The following KHDRBS2 variants were observed in gnomAD, a reference collection of about 807,000 sequenced individuals.
The protein encoded by KHDRBS2 is KH RNA binding domain containing, signal transduction associated 2, also known as KH domain-containing, RNA-binding, signal transduction-associated protein 2.
In KHDRBS2, 26 loss-of-function variants were observed where a neutral mutation model predicts 44.3. The ratio of observed to expected loss-of-function variants is 0.59; its 90% confidence interval spans 0.43 to 0.81. KHDRBS2 has a LOEUF of 0.81. KHDRBS2 is among the 40% of genes least tolerant of loss of function. The pLI, the probability that KHDRBS2 is intolerant of heterozygous loss-of-function variation, is 0.00. For missense variants in KHDRBS2, 476 were observed against 433.1 expected, an observed-to-expected ratio of 1.10 and a Z score of -0.88; for synonymous variants, 194 against 151.1, an observed-to-expected ratio of 1.28 and a Z score of -2.08.
intron 6 of KHDRBS2, among the ~76,000 whole-genome samples, chr6:61,884,177 C>T (rs982358635): frequency 4.6e-5 from 7 of 152,032 alleles, no homozygotes; most frequent in African/African-American, 1.7e-4. Context: ...TTCTAGTTCT[C>T]TCATTGTTAC....
At chr6:61,892,370 A>G (rs1802011656) in intron 6 of KHDRBS2, among the ~76,000 whole-genome samples, 1 of 152,184 alleles carries the variant, frequency 6.6e-6, no homozygotes, top group Admixed American at 6.5e-5. Flanking sequence ...CAAGCTACCA[A>G]TGACTTTATT....
chr6:61,930,201 T>C (rs929760513), intron 4 of KHDRBS2, among the ~76,000 whole-genome samples: 2 of 152,116 alleles, frequency 1.3e-5, no homozygotes, highest in African/African-American at 2.4e-5. Flanking sequence ...ACAACAAACC[T>C]GCAGGCACCT....
the KHDRBS2 span, among the ~76,000 whole-genome samples, chr6:61,666,869 T>A: frequency 6.6e-6 from 1 of 151,232 alleles, no homozygotes; most frequent in Non-Finnish European, 1.5e-5. Context: ...AATAGTAGAA[T>A]CCTCCAGATG....
At chr6:61,806,020 A>G (rs376961656) in intron 6 of KHDRBS2, among the ~76,000 whole-genome samples, 85 of 152,322 alleles carry the variant, frequency 5.6e-4, no homozygotes, top group African/African-American at 1.9e-3. Flanking sequence ...TAGGCTTCAG[A>G]GTCTATGGTC....
At chr6:62,196,723 G>A (rs962061266) in intron 1 of KHDRBS2, among the ~76,000 whole-genome samples, 2 of 152,042 alleles carry the variant, frequency 1.3e-5, no homozygotes, top group Admixed American at 1.3e-4. Flanking sequence ...GAGCTTGAGG[G>A]ACAAACTTAA....
chr6:61,588,609 C>T, the KHDRBS2 span, among the ~76,000 whole-genome samples: 1 of 152,018 alleles, frequency 6.6e-6, no homozygotes, highest in Admixed American at 6.6e-5. Flanking sequence ...ATAGTGAGAC[C>T]CTTGTCTCTA....
chr6:62,066,775 C>G (rs1451957726), intron 2 of KHDRBS2, among the ~76,000 whole-genome samples: 1 of 151,556 alleles, frequency 6.6e-6, no homozygotes, highest in Non-Finnish European at 1.5e-5. Flanking sequence ...ATGTAATTTA[C>G]ATTCTAAATA....
chr6:62,222,899 C>T (rs1407119719), intron 1 of KHDRBS2, among the ~76,000 whole-genome samples: 1 of 152,142 alleles, frequency 6.6e-6, no homozygotes, highest in Non-Finnish European at 1.5e-5. Flanking sequence ...CAGGGTACAA[C>T]CTCCCTCCTG....
intron 2 of KHDRBS2, among the ~76,000 whole-genome samples, chr6:62,131,506 C>T (rs1464406100): frequency 1.3e-5 from 2 of 152,124 alleles, no homozygotes; most frequent in African/African-American, 2.4e-5. Context: ...ACGAGGGAGC[C>T]GAGGTTAGCG....
chr6:61,901,299 G>A lies in KHDRBS2; in HGVS notation c.556C>T (p.Arg186Cys), dbSNP rs151269502. The change falls in exon 5 of 9, where the codon CGT (arginine) becomes TGT (cysteine). Residue 186 changes from arginine to cysteine, a missense_variant. By Grantham distance (180) the Arg-to-Cys change is radical. Transcript: ENST00000281156. ...SYLNGSEDSG[R>C]GRGIRGRGIR... ...CCTCTGCCTCTAATACCTCTGCCAC[G>A]ACCAGAGTCCTCTGAGCCATTTAAG... 4 of 1,612,572 alleles carry A rather than the reference G, an allele frequency of 2.5e-6. No homozygotes were observed. The African/African-American group carries it at 4.0e-5, about 16-fold the overall frequency.
intron 2 of KHDRBS2, among the ~76,000 whole-genome samples, chr6:62,060,609 GTC>G (rs373091004): frequency 0.029 from 4,200 of 147,350 alleles, 175 homozygotes; most frequent in African/African-American, 0.088. Context: ...CTCTCTCTCT[GTC>G]TCTCTCTCTC....
the KHDRBS2 span, among the ~76,000 whole-genome samples, chr6:61,558,591 T>C: frequency 6.6e-6 from 1 of 152,160 alleles, no homozygotes; most frequent in Non-Finnish European, 1.5e-5. Flanking sequence ...TTTTGCTATA[T>C]CTCATAGGTT....
the KHDRBS2 span, among the ~76,000 whole-genome samples, chr6:61,660,729 T>G: frequency 6.6e-6 from 1 of 151,782 alleles, no homozygotes; most frequent in Non-Finnish European, 1.5e-5. Context: ...TCTACAAAGA[T>G]TTATTGGAAG....
chr6:61,907,002 T>A (rs1805159510), intron 4 of KHDRBS2, among the ~76,000 whole-genome samples: 1 of 152,184 alleles, frequency 6.6e-6, no homozygotes, highest in South Asian at 2.1e-4. Context: ...TCCATAGTGC[T>A]GGTACAAATT....
intron 6 of KHDRBS2, among the ~76,000 whole-genome samples, chr6:61,758,272 C>T (rs1260237533): frequency 4.6e-5 from 7 of 151,992 alleles, no homozygotes; most frequent in Non-Finnish European, 1.0e-4. Context: ...ACACTTGTTT[C>T]ATATATTTTG....
chr6:62,050,573 C>T (rs1333327913), intron 2 of KHDRBS2, among the ~76,000 whole-genome samples: 1 of 151,738 alleles, frequency 6.6e-6, no homozygotes, highest in Non-Finnish European at 1.5e-5. Context: ...AGAACTCCAT[C>T]GAATCAATGG....
In KHDRBS2 at chr6:62,256,945, GGTAGA is replaced by G. The variant is rs900019292; in HGVS notation, c.91+28908_91+28912del. ...TTGTGCAGATGCTTAACAAGGTAGT[GGTAGA>G]GGAAAACCAGCCTCGGCTATCTCAC... On this transcript the variant is annotated intron_variant, in intron 1 of 8. Transcript: ENST00000281156. 3.2e-4 allele frequency among the ~76,000 whole-genome samples: 48 copies of G among 152,176 alleles called. 1 individual carries two copies. Among genetic ancestry groups the G allele is most frequent in the Non-Finnish European group, 2.6e-4 (18 of 67,978 alleles).
intron 7 of KHDRBS2, among the ~76,000 whole-genome samples, chr6:61,728,630 CAT>C (rs1437038667): frequency 6.6e-6 from 1 of 152,010 alleles, no homozygotes; most frequent in East Asian, 1.9e-4. Context: ...CATTTATTAA[CAT>C]AGATAGATGT....
chr6:62,195,989 A>C (rs1305694812), intron 1 of KHDRBS2, among the ~76,000 whole-genome samples: 1 of 152,198 alleles, frequency 6.6e-6, no homozygotes, highest in Non-Finnish European at 1.5e-5. Context: ...TTAAAACAGA[A>C]ACAGAATAAG....
Sources: gnomAD v4.1 joint callset for allele counts (sites outside exome capture counted in the v4.1 genomes callset) on GRCh38, gnomAD v4.1.1 for gene constraint, MANE v1.5 for transcripts, NCBI Gene and HGNC (gene_info 2026-07-23, HGNC 2026-07-21) for gene names.